Variants in SLC44A1 observed in about 807,000 individuals in gnomAD.
SLC44A1 encodes the protein choline transporter-like protein 1.
Under a neutral mutation model 79.3 loss-of-function variants are expected in SLC44A1, and 26 were observed. That is an observed-to-expected ratio of 0.33 (90% confidence interval 0.24 to 0.46). SLC44A1 has a LOEUF of 0.46. SLC44A1 is among the 20% of genes least tolerant of loss of function. SLC44A1 has a pLI of 1.00. For missense variants in SLC44A1, 688 were observed against 798.1 expected, an observed-to-expected ratio of 0.86 and a Z score of 1.66; for synonymous variants, 263 against 286.2, an observed-to-expected ratio of 0.92 and a Z score of 0.82.
At chr9:105,382,273 A>T (rs1346351020) in intron 13 of SLC44A1, among the ~76,000 whole-genome samples, 2 of 152,068 alleles carry the variant, frequency 1.3e-5, no homozygotes, top group East Asian at 3.8e-4. Context: ...TCATAGGGTT[A>T]TTGAAAAGCT....
intron 13 of SLC44A1, among the ~76,000 whole-genome samples, chr9:105,382,702 A>G (rs1316292728): frequency 1.3e-5 from 2 of 152,288 alleles, no homozygotes; most frequent in Non-Finnish European, 2.9e-5. Context: ...TTGTTTATAT[A>G]ATACTATTTC....
intron 3 of SLC44A1, among the ~76,000 whole-genome samples, chr9:105,327,077 C>T (rs927166086): frequency 6.6e-5 from 10 of 152,168 alleles, no homozygotes; most frequent in African/African-American, 2.4e-4. Context: ...TATAATCAGT[C>T]ATAAAGTTTT....
intron 15 of SLC44A1, among the ~76,000 whole-genome samples, chr9:105,405,083 GC>G (rs145125370): frequency 0.07 from 10,629 of 152,188 alleles, 423 homozygotes; most frequent in Non-Finnish European, 0.089. Context: ...ACTTTGGGAG[GC>G]CAAGGCGGGT....
At chr9:105,378,905 A>G (rs1049681960) in intron 13 of SLC44A1, among the ~76,000 whole-genome samples, 6 of 152,244 alleles carry the variant, frequency 3.9e-5, no homozygotes, top group Non-Finnish European at 7.3e-5. Context: ...ATACATATCA[A>G]CTTGAATGAA....
Position 105,390,942 on chromosome 9 carries a change from A to G in SLC44A1, c.*1886A>G. On this transcript the variant is annotated 3_prime_UTR_variant, in exon 16 of 16. Transcript: ENST00000374720. Reference sequence around the variant, plus strand: ...TGTTCTCTTTTATTCATTTGAAATGAATATAATTATATAACTAACAATTGT... The same window carrying G: ...TGTTCTCTTTTATTCATTTGAAATGGATATAATTATATAACTAACAATTGT... 1 of 981,442 alleles carries G rather than the reference A, an allele frequency of 1.0e-6. No individual in the cohort carries two copies. The highest frequency in any genetic ancestry group is 1.2e-6 in the Non-Finnish European group (1 of 825,928). The allele number at this position is 981,442 out of a possible 1,614,324, so 60.8% of individuals were successfully genotyped here.
At chr9:105,387,864 GC>G (rs1219802372) in intron 15 of SLC44A1, among the ~76,000 whole-genome samples, 39 of 152,126 alleles carry the variant, frequency 2.6e-4, no homozygotes, top group Non-Finnish European at 5.1e-4. Context: ...TGGGAGAATT[GC>G]CCAGGTTATG....
intron 3 of SLC44A1, among the ~76,000 whole-genome samples, chr9:105,320,901 A>G (rs1173760036): frequency 2.0e-5 from 3 of 152,188 alleles, no homozygotes; most frequent in Admixed American, 6.5e-5. Flanking sequence ...TGAAGTATTC[A>G]TATCTTGCAT....
intron 1 of SLC44A1, among the ~76,000 whole-genome samples, chr9:105,250,448 T>G (rs1829557695): frequency 1.3e-5 from 2 of 152,210 alleles, no homozygotes; most frequent in South Asian, 4.1e-4. Flanking sequence ...CTACCAGTAA[T>G]TGGTTGATAG....
Position 105,351,600 on chromosome 9 carries a change from A to AAAGAGAGAAAGAGAGAAAG in SLC44A1, c.500+3150_500+3151insAGAGAGAAAGAGAGAAAGA, listed in dbSNP as rs1554797164. Reference sequence around the variant, plus strand: ...AGAAAGAGAGAAAGAGAGAAAGAGAAAGAAAGAAAGAAAGAAAGAAAGAGA... The same window carrying AAAGAGAGAAAGAGAGAAAG: ...AGAAAGAGAGAAAGAGAGAAAGAGAAAAGAGAGAAAGAGAGAAAGAGAAAGAAAGAAAGAAAGAAAGAGA... On this transcript the variant is annotated intron_variant, in intron 5 of 15. Coordinates refer to ENST00000374720, the MANE Select transcript of SLC44A1 (RefSeq NM_080546.5). Among the ~76,000 whole-genome samples the AAAGAGAGAAAGAGAGAAAG allele has an allele frequency of 1.8e-4, 8 of 43,272 alleles. No homozygotes were observed. In the South Asian group the frequency reaches 6.7e-3, roughly 36 times the overall value. 28.4% of individuals were successfully genotyped at this position (43,272 alleles called of 152,430 possible).
chr9:105,365,534 T>C lies in SLC44A1; in HGVS notation c.1305T>C (p.Leu435=), dbSNP rs1564461050. The C allele has an allele frequency of 6.2e-7, 1 of 1,613,676 alleles. No homozygotes were observed. The highest frequency in any genetic ancestry group is 8.5e-7 in the Non-Finnish European group (1 of 1,179,588). ...CTATTTTGGCATCAGTAAATCGCCT[T>C]ATTCGTTACCACCTAGGTACGGTGG... is the stretch of plus-strand genomic sequence containing the variant. ...FTPILASVNR[L]IRYHLGTVAK... is the part of the protein sequence containing the mutation. The change falls in exon 11 of 16, where the codon CTT becomes CTC. Residue 435 remains leucine (L), a synonymous_variant. Transcript: ENST00000374720.
chr9:105,271,271 G>T (rs1040600790), intron 1 of SLC44A1, among the ~76,000 whole-genome samples: 3 of 152,122 alleles, frequency 2.0e-5, no homozygotes, highest in African/African-American at 4.8e-5. Context: ...ATGGAATGAT[G>T]GTTTTCTAGA....
At chr9:105,382,317 T>G (rs1430949741) in intron 13 of SLC44A1, among the ~76,000 whole-genome samples, 3 of 152,178 alleles carry the variant, frequency 2.0e-5, no homozygotes, top group African/African-American at 7.2e-5. Context: ...CACAAAAAAT[T>G]TAAAATGCTG....
At chr9:105,263,981 G>A (rs555739242) in intron 1 of SLC44A1, among the ~76,000 whole-genome samples, 26 of 151,928 alleles carry the variant, frequency 1.7e-4, no homozygotes, top group African/African-American at 6.3e-4. Context: ...TCTTTAATAT[G>A]CTTATACTGC....
intron 5 of SLC44A1, among the ~76,000 whole-genome samples, chr9:105,354,938 C>G (rs1827574512): frequency 6.6e-6 from 1 of 152,144 alleles, no homozygotes; most frequent in Admixed American, 6.5e-5. Flanking sequence ...GTAATTTTAT[C>G]CACTCATTGG....
chr9:105,375,980 A>G (rs1187293285), intron 13 of SLC44A1, among the ~76,000 whole-genome samples: 2 of 152,042 alleles, frequency 1.3e-5, no homozygotes, highest in South Asian at 2.1e-4. Flanking sequence ...TTCTCTTTAC[A>G]TTACATCATA....
At chr9:105,261,435 G>A (rs536162037) in intron 1 of SLC44A1, among the ~76,000 whole-genome samples, 3 of 152,278 alleles carry the variant, frequency 2.0e-5, no homozygotes, top group South Asian at 2.1e-4. Context: ...TAAAGCTCCA[G>A]TCTTAAGTAT....
intron 12 of SLC44A1, 113 bp from the exon 13 acceptor site, chr9:105,374,485 C>T: frequency 4.4e-6 from 4 of 915,160 alleles, no homozygotes; most frequent in South Asian, 1.7e-5. Context: ...TTAAAGGGTG[C>T]CATGTGTTTG....
chr9:105,400,566 A>G (rs1196264859), downstream of SLC44A1, among the ~76,000 whole-genome samples: 1 of 152,120 alleles, frequency 6.6e-6, no homozygotes, highest in Non-Finnish European at 1.5e-5. Flanking sequence ...ACATAGGTAT[A>G]TTCTTCTTTC....
chr9:105,356,002 C>T (rs1191008857), intron 5 of SLC44A1: 1 of 552,710 alleles, frequency 1.8e-6, no homozygotes, highest in Admixed American at 3.5e-5. Flanking sequence ...ATGCACTCCA[C>T]CCTCTTTGAT....
Sources: gnomAD v4.1 joint callset for allele counts (sites outside exome capture counted in the v4.1 genomes callset) on GRCh38, gnomAD v4.1.1 for gene constraint, MANE v1.5 for transcripts, NCBI Gene and HGNC (gene_info 2026-07-23, HGNC 2026-07-21) for gene names.